FREM2: variants seen among roughly 807,000 people sequenced by gnomAD.
FREM2 encodes the protein FRAS1 related extracellular matrix 2.
In FREM2, 119 loss-of-function variants were observed where a neutral mutation model predicts 219.9. The ratio of observed to expected loss-of-function variants is 0.54; its 90% confidence interval spans 0.47 to 0.63. The LOEUF is 0.63. Ranked by LOEUF, FREM2 falls within the 30% of genes least tolerant of loss-of-function variation. FREM2 has a pLI of 0.00. For missense variants in FREM2, 4,030 were observed against 3,993.6 expected, an observed-to-expected ratio of 1.01 and a Z score of -0.25; for synonymous variants, 1,562 against 1,522.8, an observed-to-expected ratio of 1.03 and a Z score of -0.60.
At chr13:38,858,957 G>A (rs1877657209) in intron 13 of FREM2, among the ~76,000 whole-genome samples, 1 of 135,644 alleles carries the variant, frequency 7.4e-6, no homozygotes, top group Non-Finnish European at 1.6e-5. Context: ...TGACTTACTG[G>A]ATAAGGGGGG....
intron 6 of FREM2, among the ~76,000 whole-genome samples, chr13:38,808,186 C>G (rs1356299013): frequency 6.6e-6 from 1 of 151,932 alleles, no homozygotes; most frequent in Non-Finnish European, 1.5e-5. Flanking sequence ...AGCTTCCTCG[C>G]CCCTCTCAGA....
intron 6 of FREM2, among the ~76,000 whole-genome samples, chr13:38,805,459 C>T (rs1875188707): frequency 6.6e-6 from 1 of 151,870 alleles, no homozygotes; most frequent in Non-Finnish European, 1.5e-5. Flanking sequence ...AGATGAGACT[C>T]TATTTAAACA....
In FREM2 at chr13:38,874,583, C is replaced by G; in HGVS notation, c.8278C>G (p.Pro2760Ala). Residue 2760 changes from proline to alanine, a missense_variant, in exon 18 of 24, where the codon CCC becomes GCC. Physicochemically the swap from Pro to Ala is conservative, Grantham distance 27 (BLOSUM62 -1). This residue lies in a region of FREM2 where 928 missense variants were observed against 1,042.9 expected (regional missense o/e 0.89). Coordinates refer to ENST00000280481, the MANE Select transcript of FREM2 (RefSeq NM_207361.6). ...QFHGLFVLSH[P>A]ASFTSSVIMS... is the part of the protein sequence containing the mutation. The stretch of plus-strand genomic sequence containing the variant: ...CCATGGCTTATTTGTGCTGTCACAT[C>G]CCGGTAAGCCCCGTTATCTTTTAAC... 6.2e-7 allele frequency: 1 copy of G among 1,612,036 alleles called. No individual in the cohort carries two copies. Among genetic ancestry groups the G allele is most frequent in the Non-Finnish European group, 8.5e-7 (1 of 1,178,094 alleles).
At chr13:38,852,433 G>A (rs1877404660) in intron 11 of FREM2, among the ~76,000 whole-genome samples, 1 of 151,994 alleles carries the variant, frequency 6.6e-6, no homozygotes, top group Non-Finnish European at 1.5e-5. Flanking sequence ...CTTTCTATTA[G>A]TTTTACCTTC....
At chr13:38,785,836 A>C (rs531252064) in intron 6 of FREM2, among the ~76,000 whole-genome samples, 137 of 152,306 alleles carry the variant, frequency 9.0e-4, no homozygotes, top group African/African-American at 3.2e-3. Flanking sequence ...TTACTGATTT[A>C]TAGTAGCTGT....
intron 6 of FREM2, among the ~76,000 whole-genome samples, chr13:38,842,829 T>G (rs555367758): frequency 6.6e-6 from 1 of 152,342 alleles, no homozygotes; most frequent in African/African-American, 2.4e-5. Context: ...TGTGCTGTAT[T>G]GCTCACCTGT....
chr13:38,703,359 GA>G (rs1437881002), intron 2 of FREM2, among the ~76,000 whole-genome samples: 1 of 152,168 alleles, frequency 6.6e-6, no homozygotes, highest in African/African-American at 2.4e-5. Flanking sequence ...GAACCAGGGG[GA>G]AAGATGCTAG....
At position 38,687,304 on chromosome 13, in the gene FREM2, A is replaced by T. The variant is rs1033959268; in HGVS notation, c.-41A>T. The T allele has an allele frequency of 3.8e-6, 6 of 1,566,658 alleles. 1 individual carries two copies. In the Admixed American group the frequency reaches 7.4e-5, roughly 19 times the overall value. On this transcript the variant is annotated 5_prime_UTR_variant, in exon 1 of 24. An upstream start codon of the reference 5' UTR is lost. Coordinates refer to ENST00000280481, the MANE Select transcript of FREM2 (RefSeq NM_207361.6). ...TTGTCTGCCCGGGGACCGACTTCGC[A>T]TGCTCTCAGGCTGACCTGTCCAAGC...
intron 11 of FREM2, among the ~76,000 whole-genome samples, chr13:38,853,371 T>C (rs1268303102): frequency 6.6e-6 from 1 of 151,734 alleles, no homozygotes; most frequent in Non-Finnish European, 1.5e-5. Flanking sequence ...GCTCTCTCTC[T>C]GAATTATTTG....
intron 16 of FREM2, among the ~76,000 whole-genome samples, chr13:38,872,471 G>T (rs889461914): frequency 2.1e-4 from 30 of 145,320 alleles, no homozygotes; most frequent in Non-Finnish European, 4.1e-4. Flanking sequence ...CTCTAAAGAG[G>T]ATTTTGTAAG....
chr13:38,826,353 G>C (rs955367042), intron 6 of FREM2, among the ~76,000 whole-genome samples: 4 of 152,100 alleles, frequency 2.6e-5, no homozygotes, highest in African/African-American at 9.7e-5. Flanking sequence ...TGACTGAGAG[G>C]GGGAGTGGCA....
In FREM2 at chr13:38,880,640, G is replaced by A; in HGVS notation, c.9363G>A (p.Gly3121=). Residue 3121 remains glycine, a synonymous_variant, in exon 24 of 24, where the codon GGG becomes GGA. Coordinates refer to ENST00000280481, the MANE Select transcript of FREM2 (RefSeq NM_207361.6). ...LVTVVGGTTV[G]LLTICLTVIA... ...CTGTGGTGGGAGGCACCACGGTAGG[G>A]TTACTCACCATCTGCCTCACTGTCA... is the stretch of plus-strand genomic sequence containing the variant. 6.2e-7 allele frequency: 1 copy of A among 1,614,134 alleles called. No homozygotes were observed. Among genetic ancestry groups the A allele is most frequent in the Non-Finnish European group, 8.5e-7 (1 of 1,179,996 alleles).
At chr13:38,763,293 A>G (rs1471139492) in intron 2 of FREM2, among the ~76,000 whole-genome samples, 1 of 152,100 alleles carries the variant, frequency 6.6e-6, no homozygotes. Context: ...TCGAGCAAAG[A>G]TGAATGTATT....
intron 6 of FREM2, among the ~76,000 whole-genome samples, chr13:38,835,006 G>A (rs887092560): frequency 6.6e-6 from 1 of 152,162 alleles, no homozygotes; most frequent in Non-Finnish European, 1.5e-5. Context: ...TGGTGTTTTA[G>A]TCATGAAGTC....
intron 2 of FREM2, among the ~76,000 whole-genome samples, chr13:38,715,073 C>A (rs1242587034): frequency 6.6e-6 from 1 of 152,032 alleles, no homozygotes; most frequent in Non-Finnish European, 1.5e-5. Context: ...GCCTGGGTGA[C>A]AAGAGTGAGA....
chr13:38,691,433 T>C lies in FREM2; in HGVS notation c.4089T>C (p.Asn1363=). The stretch of plus-strand genomic sequence containing the variant: ...GAAAACCTACTGGTGCCTTTGAAAA[T>C]ATCACACTGGGCATGAATTTTACCC... The part of the protein sequence containing the change: ...QRRKPTGAFE[N]ITLGMNFTQD... Residue 1363 remains asparagine, a synonymous_variant, in exon 1 of 24, where the codon AAT becomes AAC. Transcript: ENST00000280481. 1 of 1,614,132 alleles carries C rather than the reference T, an allele frequency of 6.2e-7. No homozygotes were observed. The highest frequency in any genetic ancestry group is 8.5e-7 in the Non-Finnish European group (1 of 1,180,018).
rs74048236 is a variant in FREM2 at position 38,882,946 on chromosome 13, G to A, written c.*2159G>A. The A allele has an allele frequency of 1.1e-3, 166 of 152,268 alleles. No individual in the cohort carries two copies. The highest frequency in any genetic ancestry group is 3.5e-3 in the African/African-American group (144 of 41,586). 9.4% of individuals were successfully genotyped at this position (152,268 alleles called of 1,614,324 possible). A position where few individuals can be genotyped will look rare whatever the true frequency, so the allele number is the denominator to read the frequency against. On this transcript the variant is annotated 3_prime_UTR_variant, in exon 24 of 24. Coordinates refer to ENST00000280481, the MANE Select transcript of FREM2 (RefSeq NM_207361.6). ...AGCAATCGGTGAAGCATTACTGTAC[G>A]AAGTCTGTTTTCAGGCTTTGGGTCA... is the stretch of plus-strand genomic sequence containing the variant.
chr13:38,836,463 T>G lies in FREM2; in HGVS notation c.6020-10110T>G, dbSNP rs188892672. On this transcript the variant is annotated intron_variant, in intron 6 of 23. Transcript: ENST00000280481. ...TCAGGATGATGCTGGCCTCATGAAA[T>G]GAGTTAAGGAGGAGTCCCTCCTTTT... Among the ~76,000 whole-genome samples the G allele has an allele frequency of 3.3e-5, 5 of 152,288 alleles. No homozygotes were observed. The East Asian group carries it at 9.6e-4, about 29-fold the overall frequency.
Position 38,688,468 on chromosome 13 carries a change from A to G in FREM2, c.1124A>G (p.Asp375Gly), listed in dbSNP as rs1869609987. The change falls in exon 1 of 24, where the codon GAT (aspartate) becomes GGT (glycine). Residue 375 changes from aspartate to glycine, a missense_variant. Coordinates refer to ENST00000280481, the MANE Select transcript of FREM2 (RefSeq NM_207361.6). ...PGQGYLVSTD[D>G]RSLPLSSFTQ... ...CAGGGCTACTTGGTGAGCACCGATG[A>G]TCGCAGCCTGCCCCTTTCCTCCTTC... 1 of 1,614,092 alleles carries G rather than the reference A, an allele frequency of 6.2e-7. No individual in the cohort carries two copies. The highest frequency in any genetic ancestry group is 8.5e-7 in the Non-Finnish European group (1 of 1,180,022).
Sources: allele counts gnomAD v4.1 joint callset (sites outside exome capture counted in the v4.1 genomes callset), GRCh38; gene constraint gnomAD v4.1.1; regional missense constraint gnomAD v4.1.1; transcripts MANE v1.5; gene names NCBI Gene and HGNC (gene_info 2026-07-23, HGNC 2026-07-21).